Variants in PLCH1 observed in about 807,000 individuals in gnomAD.
PLCH1 encodes 1-phosphatidylinositol 4,5-bisphosphate phosphodiesterase eta-1.
Under a neutral mutation model 126.7 loss-of-function variants are expected in PLCH1, and 60 were observed. That is an observed-to-expected ratio of 0.47 (90% confidence interval 0.38 to 0.59). The LOEUF (loss-of-function observed/expected upper bound fraction) is 0.59, where lower values mean the gene tolerates loss of function less well. Among genes scored for constraint, PLCH1 ranks in the 20% least tolerant of loss-of-function variants. PLCH1 has a pLI of 0.00. For missense variants in PLCH1, 1,723 were observed against 2,040.0 expected, an observed-to-expected ratio of 0.84 and a Z score of 2.99; for synonymous variants, 719 against 734.9, an observed-to-expected ratio of 0.98 and a Z score of 0.35.
At chr3:155,479,736 C>T (rs1713726353), downstream of PLCH1, 1 of 152,148 alleles carries the variant, frequency 6.6e-6, no homozygotes, top group South Asian at 2.1e-4. Context: ...AAGGAAAACA[C>T]TCAGAGACAT....
intron 2 of PLCH1, among the ~76,000 whole-genome samples, chr3:155,610,467 C>A (rs894170003): frequency 4.0e-5 from 6 of 148,604 alleles, no homozygotes; most frequent in African/African-American, 1.5e-4. Flanking sequence ...TGAGGAAAAA[C>A]CGTCAGGTAA....
At chr3:155,736,823 G>T (rs1157052830) in intron 1 of PLCH1, among the ~76,000 whole-genome samples, 1 of 151,922 alleles carries the variant, frequency 6.6e-6, no homozygotes, top group African/African-American at 2.4e-5. Context: ...AGAGACAGTC[G>T]TTTATTTATT....
chr3:155,675,231 A>G (rs1038742236), intron 2 of PLCH1, among the ~76,000 whole-genome samples: 3 of 152,224 alleles, frequency 2.0e-5, no homozygotes, highest in African/African-American at 7.2e-5. Flanking sequence ...ACATTTGAGT[A>G]GACGCATATG....
At chr3:155,486,206 A>G (rs1456311076) in intron 21 of PLCH1, 1 of 1,540,128 alleles carries the variant, frequency 6.5e-7, no homozygotes, top group Non-Finnish European at 8.8e-7. Flanking sequence ...AAAGGGCTCC[A>G]CTGTAAAGGA....
At chr3:155,581,923 A>G (rs2108587835) in intron 6 of PLCH1, among the ~76,000 whole-genome samples, 1 of 150,878 alleles carries the variant, frequency 6.6e-6, no homozygotes, top group South Asian at 2.1e-4. Context: ...CTAATTTTGT[A>G]TTTTTAGTAG....
chr3:155,600,038 TGCTCCCTATCACACAGAAAA>T (rs1386412314), intron 2 of PLCH1, among the ~76,000 whole-genome samples: 1 of 152,222 alleles, frequency 6.6e-6, no homozygotes, highest in Non-Finnish European at 1.5e-5. Flanking sequence ...TCTACCTGAT[TGCTCCCTATCACACAGAAAA>T]GCCATTTGGA....
At chr3:155,574,115 A>G (rs539734399) in intron 6 of PLCH1, among the ~76,000 whole-genome samples, 226 of 152,218 alleles carry the variant, frequency 1.5e-3, no homozygotes, top group African/African-American at 5.0e-3. Flanking sequence ...GGGTTTCACC[A>G]TATTGGCCAG....
intron 1 of PLCH1, among the ~76,000 whole-genome samples, chr3:155,719,614 A>G (rs887641674): frequency 2.9e-4 from 44 of 152,050 alleles, no homozygotes; most frequent in Admixed American, 2.0e-4. Context: ...GGGGATTTGA[A>G]CTGTTGTACT....
rs535851472 is a variant in PLCH1 at position 155,624,807 on chromosome 3, G to A, written c.80-28429C>T. On this transcript the variant is annotated intron_variant, in intron 2 of 22. Transcript: ENST00000460012. ...AGGAAGAATCAATATCGTGAAAATG[G>A]CCATACTGCCCAAAGTAATTTATAG... 2.0e-5 allele frequency among the ~76,000 whole-genome samples: 3 copies of A among 152,192 alleles called. No homozygotes were observed. The East Asian group carries it at 5.8e-4, about 29-fold the overall frequency.
At chr3:155,531,817 GC>G in intron 10 of PLCH1, among the ~76,000 whole-genome samples, 1 of 152,288 alleles carries the variant, frequency 6.6e-6, no homozygotes, top group East Asian at 1.9e-4. Flanking sequence ...TTCTTCTGCA[GC>G]TTCCTCACCT....
At chr3:155,591,450 C>T (rs1157254282) in intron 4 of PLCH1, among the ~76,000 whole-genome samples, 1 of 152,192 alleles carries the variant, frequency 6.6e-6, no homozygotes, top group Non-Finnish European at 1.5e-5. Context: ...TCTTCGTGTA[C>T]TTCAATCAAA....
At chr3:155,674,898 T>G (rs1447976070) in intron 2 of PLCH1, among the ~76,000 whole-genome samples, 3 of 152,212 alleles carry the variant, frequency 2.0e-5, no homozygotes, top group African/African-American at 7.2e-5. Flanking sequence ...CCTGATAGTA[T>G]GCTGTGCAGT....
intron 1 of PLCH1, among the ~76,000 whole-genome samples, chr3:155,713,809 T>C (rs1402303364): frequency 3.9e-5 from 6 of 152,238 alleles, no homozygotes; most frequent in Admixed American, 1.3e-4. Context: ...TGAGATGTTC[T>C]TCAAAGTATT....
intron 2 of PLCH1, among the ~76,000 whole-genome samples, chr3:155,615,908 T>G (rs1345696041): frequency 6.6e-6 from 1 of 152,116 alleles, no homozygotes; most frequent in East Asian, 1.9e-4. Context: ...TCCCTAAATA[T>G]TATTAAAATT....
At chr3:155,523,017 C>T (rs890456500) in intron 11 of PLCH1, among the ~76,000 whole-genome samples, 1 of 151,974 alleles carries the variant, frequency 6.6e-6, no homozygotes, top group Non-Finnish European at 1.5e-5. Flanking sequence ...CTCTGTCGCC[C>T]AGGCTGGAGT....
intron 22 of PLCH1, 35 bp downstream of exon 22, chr3:155,485,321 A>G (rs1714875638): frequency 7.3e-7 from 1 of 1,365,966 alleles, no homozygotes; most frequent in Non-Finnish European, 1.0e-6. Flanking sequence ...GCAGCCTAGA[A>G]GGGTTTATTC....
intron 8 of PLCH1, among the ~76,000 whole-genome samples, chr3:155,561,610 T>C (rs1727641121): frequency 1.3e-5 from 2 of 152,072 alleles, no homozygotes; most frequent in Admixed American, 1.3e-4. Flanking sequence ...GCATGTGTCT[T>C]TATAGCAGCA....
chr3:155,581,739 C>T (rs1468707084), intron 6 of PLCH1, among the ~76,000 whole-genome samples: 1 of 136,792 alleles, frequency 7.3e-6, no homozygotes, highest in Non-Finnish European at 1.6e-5. Flanking sequence ...AGTTGCACAA[C>T]TCTTTTTTCC....
intron 2 of PLCH1, among the ~76,000 whole-genome samples, chr3:155,620,255 T>C (rs980483163): frequency 6.6e-6 from 1 of 152,222 alleles, no homozygotes; most frequent in Non-Finnish European, 1.5e-5. Flanking sequence ...AGCATTAAAC[T>C]ATAACCCTCT....
Sources: gnomAD v4.1 joint callset for allele counts (sites outside exome capture counted in the v4.1 genomes callset) on GRCh38, gnomAD v4.1.1 for gene constraint, MANE v1.5 for transcripts, NCBI Gene and HGNC (gene_info 2026-07-23, HGNC 2026-07-21) for gene names.